KLF11: variants seen among roughly 807,000 people sequenced by gnomAD.
KLF11 encodes the protein Krueppel-like factor 11.
In KLF11, 26 loss-of-function variants were observed where a neutral mutation model predicts 29.9. That is an observed-to-expected ratio of 0.87 (90% CI 0.64 to 1.21). The LOEUF (loss-of-function observed/expected upper bound fraction) is 1.21, where lower values mean the gene tolerates loss of function less well. Ranked by LOEUF, KLF11 falls within the 50% of genes most tolerant of loss-of-function variation. The pLI, the probability that KLF11 is intolerant of heterozygous loss-of-function variation, is 0.00. For missense variants in KLF11, 778 were observed against 665.7 expected (o/e 1.17, Z -1.86); for synonymous variants, 318 against 257.4 (o/e 1.24, Z -2.25).
At chr2:10,045,995 T>C (rs956000258) in intron 1 of KLF11, among the ~76,000 whole-genome samples, 155 bp from the exon 2 acceptor site, 10 of 152,264 alleles carry the variant, frequency 6.6e-5, no homozygotes, top group Non-Finnish European at 4.4e-5. Flanking sequence ...ATTCCTTGAA[T>C]GTCTTTTACT....
chr2:10,046,327 C>G lies in KLF11; in HGVS notation c.220C>G (p.Pro74Ala). ...GDLLRIRPLT[P>A]VSDSGDVTTT... ...CCTGTTGCGGATAAGACCCCTCACG[C>G]CTGTCTCTGACTCTGGGGATGTCAC... The change falls in exon 2 of 4, where the codon CCT becomes GCT. Residue 74 changes from proline to alanine, a missense_variant. By Grantham distance (27) the Pro-to-Ala change is conservative. Transcript: ENST00000305883. The G allele has an allele frequency of 6.2e-7, 1 of 1,614,190 alleles. No homozygotes were observed. The highest frequency in any genetic ancestry group is 8.5e-7 in the Non-Finnish European group (1 of 1,180,040).
chr2:10,049,936 C>T (rs1429552527), intron 3 of KLF11, among the ~76,000 whole-genome samples: 1 of 152,178 alleles, frequency 6.6e-6, no homozygotes, highest in Non-Finnish European at 1.5e-5. Flanking sequence ...ACTTGGTGAG[C>T]TCTGCATTTC....
Position 10,053,019 on chromosome 2 carries a change from AC to A in KLF11, c.*513del, listed in dbSNP as rs1661454221. 2.6e-6 allele frequency: 1 copy of A among 385,160 alleles called. No individual in the cohort carries two copies. The highest frequency in any genetic ancestry group is 4.6e-6 in the Non-Finnish European group (1 of 218,608). 23.9% of individuals were successfully genotyped at this position (385,160 alleles called of 1,614,324 possible). ...AGTAAACTGGACATGTTATTCCACT[AC>A]AAAAACCACAAGTTATCTGGCCTTT... is the stretch of plus-strand genomic sequence containing the variant. On this transcript the variant is annotated 3_prime_UTR_variant, in exon 4 of 4. Transcript: ENST00000305883.
intron 1 of KLF11, among the ~76,000 whole-genome samples, chr2:10,045,763 G>C (rs1285052621): frequency 6.6e-6 from 1 of 152,284 alleles, no homozygotes; most frequent in Non-Finnish European, 1.5e-5. Flanking sequence ...GCCACTGGCA[G>C]ACCGACTAGA....
At chr2:10,043,962 G>A in intron 1 of KLF11, 2 of 924,532 alleles carry the variant, frequency 2.2e-6, no homozygotes, top group South Asian at 5.0e-5. Context: ...GCGGGGGCGA[G>A]GAGGGGGCGT....
rs369974149 is a variant in KLF11, at chr2:10,052,401, C to T, written c.1433C>T (p.Thr478Met). The T allele has an allele frequency of 1.1e-5, 18 of 1,614,102 alleles. No individual in the cohort carries two copies. The highest frequency in any genetic ancestry group is 4.5e-5 in the East Asian group (2 of 44,882). Residue 478 changes from threonine to methionine, a missense_variant, in exon 4 of 4, where the codon ACG becomes ATG. By Grantham distance (81) the Thr-to-Met change is moderately conservative. Transcript: ENST00000305883. ...ACGAAGCATGCCCGGCGCCACATGA[C>T]GACCAAGAAGATCCCAGGCTGGCAG... ...HLTKHARRHM[T>M]TKKIPGWQAE... is the part of the protein sequence containing the mutation.
At chr2:10,048,690 A>T in intron 3 of KLF11, 95 bp downstream of exon 3, 1 of 912,236 alleles carries the variant, frequency 1.1e-6, no homozygotes, top group Admixed American at 1.8e-5. Flanking sequence ...GATCATGAGA[A>T]CCCCTGGCGA....
chr2:10,043,560 C>T lies in KLF11; in HGVS notation c.-157C>T, dbSNP rs1000833672. 581 of 332,764 alleles carry T rather than the reference C, an allele frequency of 1.7e-3. 4 individuals are homozygous for T. The highest frequency in any genetic ancestry group is 0.013 in the African/African-American group (554 of 44,160). The allele number at this position is 332,764 out of a possible 1,614,324, so 20.6% of individuals were successfully genotyped here. A position where few individuals can be genotyped will look rare whatever the true frequency, so the allele number is the denominator to read the frequency against. On this transcript the variant is annotated 5_prime_UTR_variant, in exon 1 of 4. Transcript: ENST00000305883. ...CCCCGCCCCTCCCGCGCCGCGAGGG[C>T]CGCGCCGGGGCAGAGCCGCGCGGGC...
intron 2 of KLF11, among the ~76,000 whole-genome samples, chr2:10,047,235 T>C (rs1661235177): frequency 6.6e-6 from 1 of 152,096 alleles, no homozygotes; most frequent in Admixed American, 6.5e-5. Flanking sequence ...CTTGGAAAAA[T>C]TGCATCTCAG....
rs1391809280 is a variant in KLF11, at chr2:10,043,860, C to T, written c.42+102C>T. 5.2e-6 allele frequency: 6 copies of T among 1,162,276 alleles called. No individual in the cohort carries two copies. The East Asian group carries it at 1.8e-4, about 35-fold the overall frequency. The allele number at this position is 1,162,276 out of a possible 1,614,324, so 72.0% of individuals were successfully genotyped here. A position where few individuals can be genotyped will look rare whatever the true frequency, so the allele number is the denominator to read the frequency against. On this transcript the variant is annotated intron_variant, in intron 1 of 3. Transcript: ENST00000305883. ...GCGCCTGTAAATGCGGGAGGTGGGG[C>T]GTGCAGGGCTTCGCTGCGGCCGCGC...
At chr2:10,047,597 A>G in intron 2 of KLF11, 53 bp from the exon 3 acceptor site, 1 of 1,416,894 alleles carries the variant, frequency 7.1e-7, no homozygotes, top group African/African-American at 1.4e-5. Context: ...GTGATGAATT[A>G]AATCCCTTTT....
chr2:10,047,181 A>C (rs1262571204), intron 2 of KLF11, among the ~76,000 whole-genome samples: 1 of 150,760 alleles, frequency 6.6e-6, no homozygotes, highest in Non-Finnish European at 1.5e-5. Flanking sequence ...GCAGTAAGTC[A>C]CTCTTGCTTT....
chr2:10,046,928 A>C (rs1332171293), intron 2 of KLF11, among the ~76,000 whole-genome samples: 1 of 152,226 alleles, frequency 6.6e-6, no homozygotes, highest in Non-Finnish European at 1.5e-5. Flanking sequence ...CTATGGATGG[A>C]TCATACCTTG....
intron 3 of KLF11, among the ~76,000 whole-genome samples, chr2:10,051,053 C>G (rs1661389322): frequency 6.7e-6 from 1 of 150,190 alleles, no homozygotes; most frequent in Admixed American, 6.6e-5. Context: ...ATTACAGGTG[C>G]CAGCTACCAT....
chr2:10,048,930 TAAA>T (rs1661321178), intron 3 of KLF11, among the ~76,000 whole-genome samples: 1 of 112,346 alleles, frequency 8.9e-6, no homozygotes, highest in South Asian at 2.8e-4. Context: ...TTTTTTTTTT[TAAA>T]GAAAACATGC....
intron 2 of KLF11, among the ~76,000 whole-genome samples, 157 bp downstream of exon 2, chr2:10,046,576 G>T (rs1661211426): frequency 6.6e-6 from 1 of 152,178 alleles, no homozygotes; most frequent in Non-Finnish European, 1.5e-5. Context: ...TCTTCCTTTG[G>T]CCAGGCATGG....
At position 10,052,839 on chromosome 2, in the gene KLF11, G is replaced by GT. The variant is rs1047378197; in HGVS notation, c.*336dup. The stretch of plus-strand genomic sequence containing the variant: ...GATTTTTACAACCTTTTCTATTGAT[G>GT]TTTTGTAGAAATAAGACAGGGTACT... On this transcript the variant is annotated 3_prime_UTR_variant, in exon 4 of 4. Transcript: ENST00000305883. The GT allele has an allele frequency of 1.1e-4, 41 of 372,318 alleles. No homozygotes were observed. The highest frequency in any genetic ancestry group is 7.9e-4 in the African/African-American group (38 of 48,156). The allele number at this position is 372,318 out of a possible 1,614,324, so 23.1% of individuals were successfully genotyped here. A position where few individuals can be genotyped will look rare whatever the true frequency, so the allele number is the denominator to read the frequency against.
In KLF11 at chr2:10,048,381, C is replaced by G. The variant is rs745699493; in HGVS notation, c.1044C>G (p.Leu348=). 3.7e-6 allele frequency: 6 copies of G among 1,612,876 alleles called. No individual in the cohort carries two copies. In the East Asian group the frequency reaches 1.3e-4, roughly 36 times the overall value. The change falls in exon 3 of 4, where the codon CTC becomes CTG. Residue 348 remains leucine, a synonymous_variant. Transcript: ENST00000305883. ...AVMLVLPQGA[L]PPPAPCAANV... is the part of the protein sequence containing the mutation. ...TGTTGGTCCTGCCCCAGGGAGCCCT[C>G]CCTCCGCCTGCCCCCTGTGCAGCCA...
intron 2 of KLF11, among the ~76,000 whole-genome samples, chr2:10,047,403 G>A (rs974848822): frequency 6.6e-6 from 1 of 152,196 alleles, no homozygotes; most frequent in Non-Finnish European, 1.5e-5. Flanking sequence ...TGGTGGGCCT[G>A]GCGGCCAGGA....
Sources: allele counts gnomAD v4.1 joint callset (sites outside exome capture counted in the v4.1 genomes callset), GRCh38; gene constraint gnomAD v4.1.1; transcripts MANE v1.5; gene names NCBI Gene and HGNC (gene_info 2026-07-23, HGNC 2026-07-21).